KDM2A: variants seen among roughly 807,000 people sequenced by gnomAD.
KDM2A encodes the protein lysine-specific demethylase 2A.
In KDM2A, 3 loss-of-function variants were observed where a neutral mutation model predicts 137.3. That is an observed-to-expected ratio of 0.02 (90% confidence interval 0.01 to 0.06). The LOEUF is 0.06. Among genes scored for constraint, KDM2A ranks in the 10% least tolerant of loss-of-function variants. The pLI is 1.00. For missense variants in KDM2A, 738 were observed against 1,510.6 expected, an observed-to-expected ratio of 0.49 and a Z score of 8.48; for synonymous variants, 512 against 541.5, an observed-to-expected ratio of 0.95 and a Z score of 0.76.
chr11:67,146,016 A>G (rs552569279), intron 2 of KDM2A, among the ~76,000 whole-genome samples: 2 of 144,516 alleles, frequency 1.4e-5, no homozygotes, highest in Admixed American at 7.0e-5. Flanking sequence ...TTTTTGAGAC[A>G]GAGTCTATCT....
chr11:67,181,424 G>A (rs906973652), intron 4 of KDM2A, 26 bp downstream of exon 4: 9 of 1,566,942 alleles, frequency 5.7e-6, no homozygotes, highest in African/African-American at 1.4e-5. Context: ...CTGGCTGGAT[G>A]TAGTTGCAAA....
intron 2 of KDM2A, among the ~76,000 whole-genome samples, chr11:67,127,297 G>T (rs1243895619): frequency 6.6e-6 from 1 of 151,912 alleles, no homozygotes; most frequent in African/African-American, 2.4e-5. Context: ...GGCTATCCCT[G>T]TTCGGGCTGC....
chr11:67,179,864 AT>A (rs1463224956), intron 2 of KDM2A, among the ~76,000 whole-genome samples: 2 of 152,188 alleles, frequency 1.3e-5, no homozygotes, highest in Non-Finnish European at 2.9e-5. Context: ...CAAGGGTAAA[AT>A]TCATAGAGGA....
At chr11:67,128,957 C>G (rs781592335) in intron 2 of KDM2A, among the ~76,000 whole-genome samples, 3 of 152,208 alleles carry the variant, frequency 2.0e-5, no homozygotes, top group Non-Finnish European at 4.4e-5. Flanking sequence ...GTGGCTCTCA[C>G]CTGTGGTCCC....
intron 5 of KDM2A, among the ~76,000 whole-genome samples, chr11:67,190,913 C>T (rs1041477829): frequency 2.0e-5 from 3 of 152,090 alleles, no homozygotes; most frequent in Non-Finnish European, 4.4e-5. Flanking sequence ...GAGATTGAGT[C>T]AATATTCAAA....
chr11:67,224,461 CTTT>C (rs35180780), intron 10 of KDM2A, among the ~76,000 whole-genome samples: 8 of 95,158 alleles, frequency 8.4e-5, no homozygotes, highest in South Asian at 3.6e-4. Context: ...TAACCCCTTT[CTTT>C]TTTTTTTTTT....
chr11:67,235,144 CAAAAAA>C (rs963893914), intron 12 of KDM2A, among the ~76,000 whole-genome samples: 2 of 63,708 alleles, frequency 3.1e-5, no homozygotes, highest in African/African-American at 9.6e-5. Context: ...GACTCCATCT[CAAAAAA>C]AAAAAAAAAA....
intron 2 of KDM2A, among the ~76,000 whole-genome samples, chr11:67,142,198 G>A (rs559161410): frequency 2.0e-5 from 3 of 151,622 alleles, no homozygotes; most frequent in Admixed American, 1.3e-4. Context: ...CACCACGCCC[G>A]GCTAATTTCT....
chr11:67,189,840 A>G (rs948674718), intron 5 of KDM2A, among the ~76,000 whole-genome samples: 2 of 152,148 alleles, frequency 1.3e-5, no homozygotes, highest in Non-Finnish European at 1.5e-5. Context: ...CTCTGTGTCA[A>G]AAAACAAACA....
intron 5 of KDM2A, among the ~76,000 whole-genome samples, chr11:67,201,234 G>GTATA (rs1555090555): frequency 4.5e-4 from 66 of 145,672 alleles, no homozygotes; most frequent in African/African-American, 1.6e-3. Context: ...GTGTGTGTGT[G>GTATA]TATATATATA....
In KDM2A at chr11:67,172,974, G is replaced by A. The variant is rs1856909051; in HGVS notation, c.43-7105G>A. Among the ~76,000 whole-genome samples, 3 of 152,034 alleles carry A rather than the reference G, an allele frequency of 2.0e-5. No individual in the cohort carries two copies. The South Asian group carries it at 6.2e-4, about 31-fold the overall frequency. On this transcript the variant is annotated intron_variant, in intron 2 of 20. Coordinates refer to ENST00000529006, the MANE Select transcript of KDM2A (RefSeq NM_012308.3). ...ATTATGGAATATTTATAGACATAAT[G>A]TGATGCACTGGTTTTTATTTTTATT...
At chr11:67,149,399 C>G (rs1158740769) in intron 2 of KDM2A, among the ~76,000 whole-genome samples, 1 of 152,040 alleles carries the variant, frequency 6.6e-6, no homozygotes, top group African/African-American at 2.4e-5. Flanking sequence ...TAAAAGGTAT[C>G]TGTTGTAATT....
intron 2 of KDM2A, among the ~76,000 whole-genome samples, chr11:67,173,946 A>C (rs1055342416): frequency 1.3e-5 from 2 of 152,018 alleles, no homozygotes; most frequent in Non-Finnish European, 2.9e-5. Context: ...TCCTGGCTTC[A>C]GAAAGTGATC....
intron 2 of KDM2A, among the ~76,000 whole-genome samples, chr11:67,147,748 G>C (rs1856287923): frequency 6.6e-6 from 1 of 151,196 alleles, no homozygotes; most frequent in African/African-American, 2.4e-5. Context: ...TGCAATCTCA[G>C]CTCACTGCAA....
chr11:67,160,592 T>A (rs1226352285), intron 2 of KDM2A, among the ~76,000 whole-genome samples: 1 of 152,004 alleles, frequency 6.6e-6, no homozygotes, highest in African/African-American at 2.4e-5. Flanking sequence ...GCCAACATGG[T>A]GAAACTCCGT....
intron 2 of KDM2A, among the ~76,000 whole-genome samples, chr11:67,160,385 A>C (rs540238995): frequency 6.6e-6 from 1 of 152,154 alleles, no homozygotes; most frequent in Non-Finnish European, 1.5e-5. Context: ...TGACCTAGTA[A>C]ATCCTGGGTT....
chr11:67,146,987 A>G (rs1856263375), intron 2 of KDM2A, among the ~76,000 whole-genome samples: 1 of 152,160 alleles, frequency 6.6e-6, no homozygotes, highest in Non-Finnish European at 1.5e-5. Context: ...AACCTCACTG[A>G]AGACTAAGGT....
At chr11:67,154,158 C>G (rs1038946089) in intron 2 of KDM2A, among the ~76,000 whole-genome samples, 1 of 152,170 alleles carries the variant, frequency 6.6e-6, no homozygotes, top group Non-Finnish European at 1.5e-5. Context: ...ACTCTTTAGT[C>G]ACTCAGTGTA....
At chr11:67,187,893 C>T (rs1263668835) in intron 5 of KDM2A, among the ~76,000 whole-genome samples, 1 of 151,998 alleles carries the variant, frequency 6.6e-6, no homozygotes, top group Non-Finnish European at 1.5e-5. Flanking sequence ...GACCTTAAAT[C>T]AAAGAATGGT....
Sources: gnomAD v4.1 joint callset for allele counts (sites outside exome capture counted in the v4.1 genomes callset) on GRCh38, gnomAD v4.1.1 for gene constraint, MANE v1.5 for transcripts, NCBI Gene and HGNC (gene_info 2026-07-23, HGNC 2026-07-21) for gene names.